The following SCRN1 variants were observed in gnomAD, a reference collection of about 807,000 sequenced individuals.
SCRN1 encodes the protein secernin 1, also known as secernin-1.
Under a neutral mutation model 43.3 loss-of-function variants are expected in SCRN1, and 19 were observed. The observed-to-expected ratio is 0.44, with a 90% CI of 0.31 to 0.64. The LOEUF (loss-of-function observed/expected upper bound fraction) is 0.64. Ranked by LOEUF, SCRN1 falls within the 30% of genes least tolerant of loss-of-function variation. The pLI is 0.09. For synonymous variants in SCRN1, 183 were observed against 188.9 expected (o/e 0.97, Z 0.26); for missense variants, 447 against 524.1 (o/e 0.85, Z 1.44).
chr7:29,954,832 C>A (rs1205926035), intron 3 of SCRN1, among the ~76,000 whole-genome samples: 1 of 152,150 alleles, frequency 6.6e-6, no homozygotes, highest in African/African-American at 2.4e-5. Context: ...AGGCGCCTAG[C>A]ACCACGTTCG....
Position 29,945,036 on chromosome 7 carries a change from G to C in SCRN1, c.342-857C>G, listed in dbSNP as rs184619250. On this transcript the variant is annotated intron_variant, in intron 3 of 7. Transcript: ENST00000242059. ...AGGACGTTGTCCTGTCTCTGTCTCA[G>C]AGACCTTATTAGGAATGGGCAGCTG... 1.7e-4 allele frequency among the ~76,000 whole-genome samples: 26 copies of C among 152,298 alleles called. 1 individual carries two copies. The highest frequency in any genetic ancestry group is 1.5e-3 in the Admixed American group (23 of 15,300).
At chr7:29,954,916 G>A (rs113457536) in intron 3 of SCRN1, among the ~76,000 whole-genome samples, 92 of 152,184 alleles carry the variant, frequency 6.0e-4, no homozygotes, top group African/African-American at 2.1e-3. Context: ...CCTGACCTCA[G>A]GTGATCCACC....
chr7:29,944,505 T>A (rs1488892465), intron 3 of SCRN1, among the ~76,000 whole-genome samples: 8 of 151,492 alleles, frequency 5.3e-5, no homozygotes, highest in East Asian at 3.9e-4. Context: ...CAAAAAAAAA[T>A]TTTTTTAATT....
Position 29,927,288 on chromosome 7 carries a change from G to A in SCRN1, c.906-656C>T, listed in dbSNP as rs141532224. 2.2e-3 allele frequency among the ~76,000 whole-genome samples: 341 copies of A among 152,158 alleles called. 1 individual carries two copies. The highest frequency in any genetic ancestry group is 7.9e-3 in the African/African-American group (327 of 41,500). ...TCTCGGCAGGATGGATGTTATCTTC[G>A]GGAAAATGGCTGTGCGTATGCCTGC... is the stretch of plus-strand genomic sequence containing the variant. On this transcript the variant is annotated intron_variant, in intron 6 of 7. Transcript: ENST00000242059.
At chr7:29,946,622 C>CT (rs1230340554) in intron 3 of SCRN1, among the ~76,000 whole-genome samples, 1 of 152,232 alleles carries the variant, frequency 6.6e-6, no homozygotes, top group East Asian at 1.9e-4. Context: ...TGCACTTGCC[C>CT]TCCCATGCTG....
rs1024763682 is a variant in SCRN1 at position 29,950,901 on chromosome 7, C to A, written c.341+4278G>T. On this transcript the variant is annotated intron_variant, in intron 3 of 7. Coordinates refer to ENST00000242059, the MANE Select transcript of SCRN1 (RefSeq NM_014766.5). This position sits in a 1 kb window ranked among gnomAD's most constrained non-coding sequence, Gnocchi z 4.5. ...GCTCCTCACCACCTTGCTCACTCTC[C>A]AGCTGTCCATGTATCTCACTCTTCC... 2.0e-5 allele frequency among the ~76,000 whole-genome samples: 3 copies of A among 152,246 alleles called. No individual in the cohort carries two copies. The highest frequency in any genetic ancestry group is 4.4e-5 in the Non-Finnish European group (3 of 68,048).
intron 2 of SCRN1, among the ~76,000 whole-genome samples, chr7:29,956,160 T>C (rs1214400681): frequency 6.6e-6 from 1 of 152,242 alleles, no homozygotes; most frequent in African/African-American, 2.4e-5. Flanking sequence ...CACGAACTCT[T>C]ACACAGAATC....
chr7:29,928,902 C>T (rs1035252688), intron 6 of SCRN1, among the ~76,000 whole-genome samples: 2 of 152,198 alleles, frequency 1.3e-5, no homozygotes, highest in African/African-American at 4.8e-5. Flanking sequence ...AATTCTTTAA[C>T]TGGTGAGTCA....
At chr7:29,984,921 A>AG (rs1320015035) in intron 1 of SCRN1, among the ~76,000 whole-genome samples, 2 of 142,918 alleles carry the variant, frequency 1.4e-5, no homozygotes, top group African/African-American at 5.3e-5. Flanking sequence ...TCTGTCTCAA[A>AG]AAAAAAAAAA....
intron 2 of SCRN1, among the ~76,000 whole-genome samples, chr7:29,959,108 A>G (rs1003749): frequency 0.019 from 2,863 of 152,318 alleles, 39 homozygotes; most frequent in East Asian, 0.041. Flanking sequence ...TCCAGCACAC[A>G]CTATTTCTGG....
intron 3 of SCRN1, among the ~76,000 whole-genome samples, chr7:29,946,655 T>C (rs1030320948): frequency 6.6e-6 from 1 of 152,148 alleles, no homozygotes; most frequent in Non-Finnish European, 1.5e-5. Flanking sequence ...TCTGGCAGAG[T>C]TGGCAACAGG....
chr7:29,985,595 T>G (rs117738800), intron 1 of SCRN1, among the ~76,000 whole-genome samples: 1 of 151,956 alleles, frequency 6.6e-6, no homozygotes, highest in Non-Finnish European at 1.5e-5. Flanking sequence ...TGTGTCAGAA[T>G]GAGGAAGTTA....
At chr7:29,958,738 G>A (rs1788214193) in intron 2 of SCRN1, among the ~76,000 whole-genome samples, 1 of 152,202 alleles carries the variant, frequency 6.6e-6, no homozygotes, top group African/African-American at 2.4e-5. Flanking sequence ...TCTGCCCCAT[G>A]GCCACTCCCA....
At chr7:29,968,323 G>A (rs1049968200) in intron 2 of SCRN1, among the ~76,000 whole-genome samples, 13 of 152,086 alleles carry the variant, frequency 8.5e-5, no homozygotes, top group African/African-American at 1.4e-4. Flanking sequence ...TGCATGTACC[G>A]TAGGGAGTGA....
intron 6 of SCRN1, among the ~76,000 whole-genome samples, chr7:29,931,534 C>G (rs1468266807): frequency 6.6e-6 from 1 of 152,220 alleles, no homozygotes; most frequent in Non-Finnish European, 1.5e-5. Flanking sequence ...CCCACTACCT[C>G]TCACTCTTAT....
chr7:29,949,961 T>C (rs1787864591), intron 3 of SCRN1, among the ~76,000 whole-genome samples: 1 of 152,178 alleles, frequency 6.6e-6, no homozygotes. Flanking sequence ...TGGTGGCCCA[T>C]CTGGAGGAGC....
intron 3 of SCRN1, among the ~76,000 whole-genome samples, chr7:29,948,838 C>T (rs762800087): frequency 2.0e-5 from 3 of 152,216 alleles, no homozygotes; most frequent in Non-Finnish European, 4.4e-5. Flanking sequence ...AAACCCCTCA[C>T]AGTGGGAGTA....
At position 29,931,751 on chromosome 7, in the gene SCRN1, G is replaced by C. The variant is rs1251357300; in HGVS notation, c.905+4805C>G. On this transcript the variant is annotated intron_variant, in intron 6 of 7. Transcript: ENST00000242059. Reference sequence around the variant, plus strand: ...TGGAGTTCCTGGCAAATCTACTGAGGAGAGTTAGCACAGAAAGAACAATAC... The same window carrying C: ...TGGAGTTCCTGGCAAATCTACTGAGCAGAGTTAGCACAGAAAGAACAATAC... Among the ~76,000 whole-genome samples the C allele has an allele frequency of 7.2e-5, 11 of 152,162 alleles. No individual in the cohort carries two copies. In the East Asian group the frequency reaches 1.9e-3, roughly 27 times the overall value.
In SCRN1 at chr7:29,926,598, C is replaced by T. The variant is rs867994176; in HGVS notation, c.940G>A (p.Val314Ile). ...IFKPFIFVDD[V>I]KLVPKTQSPC... ...GACTGTGTTTTGGGGACAAGTTTTA[C>T]GTCATCAACAAAGATGAAAGGCTTG... is the stretch of plus-strand genomic sequence containing the variant. The change falls in exon 7 of 8, where the codon GTA becomes ATA. Residue 314 changes from valine (V) to isoleucine (I), a missense_variant. By Grantham distance (29) the Val-to-Ile change is conservative. Transcript: ENST00000242059. The T allele has an allele frequency of 6.8e-6, 11 of 1,613,920 alleles. No individual in the cohort carries two copies. The highest frequency in any genetic ancestry group is 1.1e-5 in the South Asian group (1 of 91,076).
Sources: allele counts gnomAD v4.1 joint callset (sites outside exome capture counted in the v4.1 genomes callset), GRCh38; gene constraint gnomAD v4.1.1; non-coding constraint Gnocchi (gnomAD v3.1); transcripts MANE v1.5; gene names NCBI Gene and HGNC (gene_info 2026-07-23, HGNC 2026-07-21).